The following GNAL variants were observed in gnomAD, a reference collection of about 807,000 sequenced individuals.
GNAL encodes guanine nucleotide-binding protein G(olf) subunit alpha.
A neutral mutation model predicts 55.1 loss-of-function variants in GNAL; 18 were observed. The ratio of observed to expected loss-of-function variants is 0.33; its 90% CI spans 0.23 to 0.48. The LOEUF (loss-of-function observed/expected upper bound fraction) is 0.48, where lower values mean the gene tolerates loss of function less well. GNAL is among the 20% of genes least tolerant of loss of function. GNAL has a pLI of 0.99. For missense variants in GNAL, 412 were observed against 614.1 expected, an observed-to-expected ratio of 0.67 and a Z score of 3.48; for synonymous variants, 253 against 237.0, an observed-to-expected ratio of 1.07 and a Z score of -0.62.
chr18:11,849,332 G>A (rs1447761119), intron 5 of GNAL, among the ~76,000 whole-genome samples: 1 of 152,042 alleles, frequency 6.6e-6, no homozygotes, highest in African/African-American at 2.4e-5. Flanking sequence ...CGAAACCCCA[G>A]CTGTACTGAA....
In GNAL at chr18:11,779,971, TA is replaced by T. The variant is rs1192244237; in HGVS notation, c.624+26030del. On this transcript the variant is annotated intron_variant, in intron 4 of 11. Transcript: ENST00000334049. ...AGGCTTCTTCAGCTTACTGAGCCAG[TA>T]AAAGATGTCTGTCATCATTTGCTGT... 3.3e-5 allele frequency among the ~76,000 whole-genome samples: 5 copies of T among 152,378 alleles called. No homozygotes were observed. The East Asian group carries it at 9.6e-4, about 29-fold the overall frequency.
At chr18:11,877,306 T>C (rs961195048) in intron 11 of GNAL, among the ~76,000 whole-genome samples, 2 of 152,030 alleles carry the variant, frequency 1.3e-5, no homozygotes, top group Non-Finnish European at 2.9e-5. Flanking sequence ...ATACAAAAAA[T>C]TAGCTGGGTG....
intron 1 of GNAL, chr18:11,747,605 A>AGGATAGGGGTTCTGGGGAT (rs2032717289): frequency 7.2e-6 from 1 of 139,658 alleles, no homozygotes; most frequent in Non-Finnish European, 1.5e-5. Context: ...CTTGTTGTGA[A>AGGATAGGGGTTCTGGGGAT]GGATAGGGGT....
At chr18:11,703,959 C>T (rs1335938704) in intron 1 of GNAL, among the ~76,000 whole-genome samples, 1 of 152,166 alleles carries the variant, frequency 6.6e-6, no homozygotes, top group Admixed American at 6.5e-5. Context: ...GGTGTTCAGC[C>T]TCAGCCTTTC....
chr18:11,867,347 T>A (rs1038202200), intron 8 of GNAL, 121 bp downstream of exon 8: 1 of 708,248 alleles, frequency 1.4e-6, no homozygotes, highest in East Asian at 2.7e-5. Flanking sequence ...CATTTATAGA[T>A]TATGATGCTC....
At chr18:11,695,913 T>TCAC (rs1392176326) in intron 1 of GNAL, among the ~76,000 whole-genome samples, 35 of 150,716 alleles carry the variant, frequency 2.3e-4, no homozygotes, top group Admixed American at 1.9e-3. Context: ...CAGACATGCA[T>TCAC]GCACGCATGC....
At chr18:11,809,088 T>C (rs572615160) in intron 4 of GNAL, among the ~76,000 whole-genome samples, 1 of 152,250 alleles carries the variant, frequency 6.6e-6, no homozygotes, top group African/African-American at 2.4e-5. Context: ...CAAAACCCTG[T>C]CTCTACCTAA....
At chr18:11,858,673 TG>T (rs1343868115) in intron 5 of GNAL, among the ~76,000 whole-genome samples, 1 of 152,196 alleles carries the variant, frequency 6.6e-6, no homozygotes, top group Non-Finnish European at 1.5e-5. Flanking sequence ...TTCAAAGAAT[TG>T]GGGGCATATT....
chr18:11,828,323 G>A (rs552441109), intron 5 of GNAL, among the ~76,000 whole-genome samples: 3 of 151,990 alleles, frequency 2.0e-5, no homozygotes, highest in African/African-American at 7.3e-5. Flanking sequence ...AGGATCCCTT[G>A]AGCCCAGGAG....
intron 5 of GNAL, among the ~76,000 whole-genome samples, chr18:11,846,486 C>CACACACAA (rs2035743650): frequency 6.7e-6 from 1 of 149,678 alleles, no homozygotes; most frequent in Non-Finnish European, 1.5e-5. Flanking sequence ...CACACACACA[C>CACACACAA]ACACACAGAC....
chr18:11,856,869 T>C (rs928020992), intron 5 of GNAL, among the ~76,000 whole-genome samples: 1 of 152,238 alleles, frequency 6.6e-6, no homozygotes, highest in African/African-American at 2.4e-5. Context: ...GAGGGGGAAG[T>C]TGCTGTGAGC....
chr18:11,745,378 T>C (rs963415510), intron 1 of GNAL, among the ~76,000 whole-genome samples: 3 of 152,226 alleles, frequency 2.0e-5, no homozygotes, highest in Non-Finnish European at 4.4e-5. Flanking sequence ...GACTTTTTTT[T>C]CAACATTTGC....
intron 1 of GNAL, among the ~76,000 whole-genome samples, chr18:11,741,965 A>G (rs145269036): frequency 2.7e-4 from 41 of 152,272 alleles, no homozygotes; most frequent in African/African-American, 9.9e-4. Context: ...ACCACCATCC[A>G]TCTCCAGAAA....
chr18:11,809,713 A>G (rs2034760233), intron 4 of GNAL, among the ~76,000 whole-genome samples: 1 of 152,256 alleles, frequency 6.6e-6, no homozygotes, highest in Admixed American at 6.5e-5. Flanking sequence ...AGTCTGGGCA[A>G]CAGAGTAAGA....
intron 5 of GNAL, among the ~76,000 whole-genome samples, chr18:11,847,398 CT>C (rs767585830): frequency 0.095 from 13,536 of 142,108 alleles, 615 homozygotes; most frequent in African/African-American, 0.14. Context: ...CTTTTATTTT[CT>C]TTTTTTTTTT....
At chr18:11,826,920 C>G (rs59480192) in intron 5 of GNAL, among the ~76,000 whole-genome samples, 2,006 of 152,238 alleles carry the variant, frequency 0.013, 39 homozygotes, top group African/African-American at 0.044. Flanking sequence ...CCAGAGCACA[C>G]GAGGAGTGCC....
At chr18:11,705,991 G>A (rs1406135466) in intron 1 of GNAL, among the ~76,000 whole-genome samples, 1 of 152,122 alleles carries the variant, frequency 6.6e-6, no homozygotes, top group African/African-American at 2.4e-5. Flanking sequence ...CTGACTTCAA[G>A]TGATCTGCCC....
At chr18:11,776,592 C>G (rs2033790939) in intron 4 of GNAL, among the ~76,000 whole-genome samples, 1 of 151,474 alleles carries the variant, frequency 6.6e-6, no homozygotes. Context: ...CCTGGAGTCC[C>G]AGCTACCTGG....
intron 1 of GNAL, among the ~76,000 whole-genome samples, chr18:11,723,265 G>C (rs568774223): frequency 6.6e-6 from 1 of 152,314 alleles, no homozygotes; most frequent in East Asian, 1.9e-4. Flanking sequence ...GGAGGAGTGT[G>C]GCTGTGTTCC....
Sources: allele counts gnomAD v4.1 joint callset (sites outside exome capture counted in the v4.1 genomes callset), GRCh38; gene constraint gnomAD v4.1.1; transcripts MANE v1.5; gene names NCBI Gene and HGNC (gene_info 2026-07-23, HGNC 2026-07-21).